The following SLC39A4 variants were observed in gnomAD, a reference collection of about 807,000 sequenced individuals.
The protein encoded by SLC39A4 is solute carrier family 39 member 4.
SLC39A4 carries 49 observed loss-of-function variants against 56.6 expected under a neutral mutation model. That is an observed-to-expected ratio of 0.87 (90% CI 0.69 to 1.10). SLC39A4 has a LOEUF of 1.10. Among genes scored for constraint, SLC39A4 ranks in the 50% least tolerant of loss-of-function variants. The pLI is 0.00. For synonymous variants in SLC39A4, 540 were observed against 420.4 expected (o/e 1.28, Z -3.48); for missense variants, 993 against 864.2 (o/e 1.15, Z -1.87).
Position 144,416,094 on chromosome 8 carries a change from G to A in SLC39A4, c.193-3C>T, listed in dbSNP as rs1822182939. On this transcript the variant is annotated splice_polypyrimidine_tract_variant and splice_region_variant and intron_variant, in intron 1 of 11. Transcript: ENST00000301305. ...AGGGCGTCCTCCACAGACAGGCACT[G>A]TGGGCAGAGACAAGTGAGCAGGGGC... is the stretch of plus-strand genomic sequence containing the variant. The A allele has an allele frequency of 1.2e-6, 2 of 1,600,696 alleles. No homozygotes were observed. Among genetic ancestry groups the A allele is most frequent in the East Asian group, 4.5e-5 (2 of 44,556 alleles).
chr8:144,413,566 A>G lies in SLC39A4; in HGVS notation c.1421T>C (p.Val474Ala). 1 of 1,552,354 alleles carries G rather than the reference A, an allele frequency of 6.4e-7. No individual in the cohort carries two copies. The highest frequency in any genetic ancestry group is 1.9e-5 in the Admixed American group (1 of 51,432). ...CAGCAGCTCCGGGCTCTCCTCCGCC[A>G]CCTGGGAGGAGCCTTGAGTAAGTCC... Reference protein sequence around the residue: ...PPHEGSRADLVAEESPELLNP... With the variant: ...PPHEGSRADLAAEESPELLNP... The change falls in exon 9 of 12, where the codon GTG becomes GCG. Residue 474 changes from valine to alanine, a missense_variant and splice_region_variant. Coordinates refer to ENST00000301305, the MANE Select transcript of SLC39A4 (RefSeq NM_130849.4).
At chr8:144,416,306 C>T in intron 1 of SLC39A4, 1 of 1,516,818 alleles carries the variant, frequency 6.6e-7, no homozygotes, top group Non-Finnish European at 8.8e-7. Flanking sequence ...CAGTGGTCCC[C>T]CATCCCCAGG....
At chr8:144,414,177 G>T in intron 6 of SLC39A4, 82 bp from the exon 7 acceptor site, 1 of 1,571,518 alleles carries the variant, frequency 6.4e-7, no homozygotes, top group East Asian at 2.3e-5. Flanking sequence ...CAGGAGGTGG[G>T]GTGGGTAAGG....
intron 10 of SLC39A4, 100 bp from the exon 11 acceptor site, chr8:144,413,046 T>A: frequency 6.9e-7 from 1 of 1,454,304 alleles, no homozygotes; most frequent in Non-Finnish European, 9.3e-7. Flanking sequence ...CGCCCACCTG[T>A]TCCCGGTCTC....
chr8:144,414,014 A>G lies in SLC39A4; in HGVS notation c.1231T>C (p.Tyr411His). Reference sequence around the variant, plus strand: ...AGGTTCTCAAACAGGAAGAAGGCGTAGAGCCCGGCCAGCATAGCCAGGAGG... The same window carrying G: ...AGGTTCTCAAACAGGAAGAAGGCGTGGAGCCCGGCCAGCATAGCCAGGAGG... Reference protein sequence around the residue: ...WRLLAMLAGLYAFFLFENLFN... With the variant: ...WRLLAMLAGLHAFFLFENLFN... Residue 411 changes from tyrosine to histidine, a missense_variant, in exon 7 of 12, where the codon TAC (tyrosine) becomes CAC (histidine). By Grantham distance (83) the Tyr-to-His change is moderately conservative. Coordinates refer to ENST00000301305, the MANE Select transcript of SLC39A4 (RefSeq NM_130849.4). 1.2e-6 allele frequency: 2 copies of G among 1,603,108 alleles called. No individual in the cohort carries two copies. Among genetic ancestry groups the G allele is most frequent in the East Asian group, 2.3e-5 (1 of 44,352 alleles).
chr8:144,416,199 C>T (rs1434290238), intron 1 of SLC39A4, 108 bp from the exon 2 acceptor site: 3 of 1,593,568 alleles, frequency 1.9e-6, no homozygotes, highest in African/African-American at 2.7e-5. Context: ...AGTCCAACAA[C>T]GTCCACCATC....
At chr8:144,416,173 G>T in intron 1 of SLC39A4, 82 bp from the exon 2 acceptor site, 1 of 1,595,788 alleles carries the variant, frequency 6.3e-7, no homozygotes, top group Non-Finnish European at 8.5e-7. Context: ...TTCCCCGAGG[G>T]CCTGTTTCCC....
chr8:144,413,162 C>G lies in SLC39A4; in HGVS notation c.1627+75G>C, dbSNP rs1323103442. On this transcript the variant is annotated intron_variant, in intron 10 of 11. Coordinates refer to ENST00000301305, the MANE Select transcript of SLC39A4 (RefSeq NM_130849.4). ...GGCCCCGCCCATCTTCCAGGCCCCG[C>G]CCACCTGTTCCAGGTCTCCCCTCCC... 39 of 1,468,056 alleles carry G rather than the reference C, an allele frequency of 2.7e-5. 1 individual carries two copies. The highest frequency in any genetic ancestry group is 3.6e-5 in the Non-Finnish European group (39 of 1,092,976). 90.9% of individuals were successfully genotyped at this position (1,468,056 alleles called of 1,614,324 possible). A position where few individuals can be genotyped will look rare whatever the true frequency, so the allele number is the denominator to read the frequency against.
At position 144,412,930 on chromosome 8, in the gene SLC39A4, C is replaced by T. The variant is rs1554872075; in HGVS notation, c.1644G>A (p.Leu548=). The T allele has an allele frequency of 6.2e-7, 1 of 1,603,476 alleles. No individual in the cohort carries two copies. Among genetic ancestry groups the T allele is most frequent in the Non-Finnish European group, 8.5e-7 (1 of 1,178,516 alleles). Residue 548 remains leucine (L), a synonymous_variant, in exon 11 of 12, where the codon TTG becomes TTA. Transcript: ENST00000301305. ...LPHELGDFAA[L]LHAGLSVRQA... is the part of the protein sequence containing the mutation. Reference sequence around the variant, plus strand: ...GGCGCACGGACAGCCCCGCGTGCAGCAAGGCGGCGAAGTCCCCTGCGGGCG... The same window carrying T: ...GGCGCACGGACAGCCCCGCGTGCAGTAAGGCGGCGAAGTCCCCTGCGGGCG...
rs548280297 is a variant in SLC39A4, at chr8:144,412,431, C to A, written c.*107G>T. The A allele has an allele frequency of 2.5e-6, 4 of 1,575,766 alleles. No individual in the cohort carries two copies. The highest frequency in any genetic ancestry group is 1.7e-5 in the Admixed American group (1 of 59,544). On this transcript the variant is annotated 3_prime_UTR_variant, in exon 12 of 12. Coordinates refer to ENST00000301305, the MANE Select transcript of SLC39A4 (RefSeq NM_130849.4). ...AGCCATGCTCCAAGGACAAGAGTGT[C>A]TTTACTGGAGTTGGGACTGGGGCCT...
chr8:144,414,727 T>C lies in SLC39A4; in HGVS notation c.974A>G (p.Glu325Gly), dbSNP rs1822090477. The stretch of plus-strand genomic sequence containing the variant: ...ACAATGTCGGCGTGGGCACTCACTC[T>C]CTGACTGGCTGAGCTGGTCCTGGAC... ...PPVQDQLSQS[E>G]RYLYGSLATL... The change falls in exon 5 of 12, where the codon GAG (glutamate) becomes GGG (glycine). Residue 325 changes from glutamate (E) to glycine (G), a missense_variant and splice_region_variant. By Grantham distance (98) the Glu-to-Gly change is moderately conservative. Transcript: ENST00000301305. 6.2e-7 allele frequency: 1 copy of C among 1,612,708 alleles called. No individual in the cohort carries two copies. Among genetic ancestry groups the C allele is most frequent in the Non-Finnish European group, 8.5e-7 (1 of 1,179,704 alleles).
At chr8:144,412,727 C>T (rs1554871884) in intron 11 of SLC39A4, 32 bp downstream of exon 11, 1 of 1,613,292 alleles carries the variant, frequency 6.2e-7, no homozygotes, top group Admixed American at 1.7e-5. Flanking sequence ...CAGCTCCCGG[C>T]CCAGAGCAGC....
chr8:144,412,703 T>G (rs1554871866), intron 11 of SLC39A4, 37 bp from the exon 12 acceptor site: 1 of 1,613,430 alleles, frequency 6.2e-7, no homozygotes, highest in Non-Finnish European at 8.5e-7. Context: ...GCGCCCCTGC[T>G]CAGCTCCTCT....
At chr8:144,414,637 T>G in intron 5 of SLC39A4, 88 bp downstream of exon 5, 2 of 1,572,390 alleles carry the variant, frequency 1.3e-6, no homozygotes, top group Non-Finnish European at 1.7e-6. Context: ...GCTCACTCTC[T>G]CCATCCCTCA....
rs1554874140 is a variant in SLC39A4 at position 144,416,659 on chromosome 8, A to G, written c.131T>C (p.Leu44Pro). ...SGQGALDQEALGGLLNTLADR... is the reference protein window; with the variant it reads ...SGQGALDQEAPGGLLNTLADR... ...CGCCAGCGTATTTAACAGGCCGCCC[A>G]GAGCCTCTTGATCCAGAGCGCCCTG... Residue 44 changes from leucine to proline, a missense_variant, in exon 1 of 12, where the codon CTG becomes CCG. Leu to Pro is a moderately conservative substitution (Grantham distance 98). Coordinates refer to ENST00000301305, the MANE Select transcript of SLC39A4 (RefSeq NM_130849.4). The G allele has an allele frequency of 6.2e-7, 1 of 1,611,144 alleles. No homozygotes were observed. Among genetic ancestry groups the G allele is most frequent in the Non-Finnish European group, 8.5e-7 (1 of 1,179,258 alleles).
chr8:144,416,119 C>A (rs781947798), intron 1 of SLC39A4, 28 bp from the exon 2 acceptor site: 2 of 1,599,546 alleles, frequency 1.3e-6, no homozygotes, highest in Non-Finnish European at 8.5e-7. Flanking sequence ...TGAGCAGGGG[C>A]GCTGGGCCCA....
chr8:144,416,445 G>A, intron 1 of SLC39A4, 153 bp downstream of exon 1: 4 of 1,458,150 alleles, frequency 2.7e-6, no homozygotes, highest in Non-Finnish European at 3.6e-6. Flanking sequence ...AGGAGGGTGG[G>A]CTCTGGCCTG....
At chr8:144,413,082 AT>A in intron 10 of SLC39A4, 136 bp from the exon 11 acceptor site, 1 of 611,592 alleles carries the variant, frequency 1.6e-6, no homozygotes, top group Non-Finnish European at 2.0e-6. Context: ...GATCCCGCCC[AT>A]CACCTTCCAG....
In SLC39A4 at chr8:144,414,296, AC is replaced by A; in HGVS notation, c.1114del (p.Val372SerfsTer9). ...CAGATGCAGGACAGCGTCCCCAGTG[AC>A]TGCACCCACTGCCAGGCTCAGGAAG... is the stretch of plus-strand genomic sequence containing the variant. ...QTFLSLAVGA[V>X]TGDAVLHLTP... is the part of the protein sequence containing the mutation. On this transcript the variant is annotated frameshift_variant, in exon 6 of 12. Transcript: ENST00000301305. LOFTEE classifies it high-confidence loss of function. 2 of 1,608,234 alleles carry A rather than the reference AC, an allele frequency of 1.2e-6. No homozygotes were observed. The highest frequency in any genetic ancestry group is 1.7e-6 in the Non-Finnish European group (2 of 1,178,434).
Sources: gnomAD v4.1 joint callset for allele counts on GRCh38, gnomAD v4.1.1 for gene constraint, MANE v1.5 for transcripts, NCBI Gene and HGNC (gene_info 2026-07-23, HGNC 2026-07-21) for gene names.